The following CNGA3 variants were observed in gnomAD, a reference collection of about 807,000 sequenced individuals.
CNGA3 encodes the protein cyclic nucleotide gated channel subunit alpha 3, also known as cyclic nucleotide-gated channel alpha-3.
In CNGA3, 42 loss-of-function variants were observed where a neutral mutation model predicts 46.6. The ratio of observed to expected loss-of-function variants is 0.90; its 90% CI spans 0.70 to 1.17. The LOEUF (loss-of-function observed/expected upper bound fraction) is 1.17, where lower values mean the gene tolerates loss of function less well. Ranked by LOEUF, CNGA3 falls within the 50% of genes most tolerant of loss-of-function variation. The pLI is 0.00. For synonymous variants in CNGA3, 394 were observed against 369.4 expected, an observed-to-expected ratio of 1.07 and a Z score of -0.76; for missense variants, 893 against 890.7, an observed-to-expected ratio of 1.00 and a Z score of -0.03.
intron 1 of CNGA3, among the ~76,000 whole-genome samples, chr2:98,355,427 T>C (rs1271461093): frequency 6.6e-6 from 1 of 152,190 alleles, no homozygotes; most frequent in East Asian, 1.9e-4. Context: ...AGGTGTAATA[T>C]TTGCATATAG....
In CNGA3 at chr2:98,395,910, C is replaced by T. The variant is rs148616345; in HGVS notation, c.740C>T (p.Thr247Met). ...NRLWQHYKTT[T>M]QFKLDVLSLV... ...CTGTGGCAGCATTACAAGACGACCACGCAGTTCAAGCTGGATGTGTTGTCC... is the reference window on the plus strand; with the variant it reads ...CTGTGGCAGCATTACAAGACGACCATGCAGTTCAAGCTGGATGTGTTGTCC... The change falls in exon 8 of 8, where the codon ACG becomes ATG. Residue 247 changes from threonine (T) to methionine (M), a missense_variant. This residue lies in a region of CNGA3 where 12 missense variants were observed against 29.1 expected (regional missense o/e 0.41). Transcript: ENST00000272602. 1,907 of 1,614,188 alleles carry T rather than the reference C, an allele frequency of 1.2e-3. 5 individuals carry two copies. The highest frequency in any genetic ancestry group is 3.2e-3 in the East Asian group (142 of 44,890).
chr2:98,388,553 A>G (rs558394779), intron 5 of CNGA3, among the ~76,000 whole-genome samples: 10 of 152,358 alleles, frequency 6.6e-5, no homozygotes, highest in East Asian at 1.9e-4. Context: ...TCTTGCAGAA[A>G]GAATCCTCTC....
Position 98,380,213 on chromosome 2 carries a change from C to T in CNGA3, c.254C>T (p.Ala85Val), listed in dbSNP as rs1473647403. The stretch of plus-strand genomic sequence containing the variant: ...ATCTTCTTGCTGCGCAGGTGGGCTG[C>T]CAGGCATGTGCACCACCAGGACCAG... Reference protein sequence around the residue: ...RLIFLLRRWAARHVHHQDQGP... With the variant: ...RLIFLLRRWAVRHVHHQDQGP... Residue 85 changes from alanine to valine, a missense_variant, in exon 4 of 8, where the codon GCC (alanine) becomes GTC (valine). By Grantham distance (64) the Ala-to-Val change is moderately conservative. This residue lies in a region of CNGA3 where 333 missense variants were observed against 290.8 expected (regional missense o/e 1.15). Coordinates refer to ENST00000272602, the MANE Select transcript of CNGA3 (RefSeq NM_001298.3). 3 of 1,614,102 alleles carry T rather than the reference C, an allele frequency of 1.9e-6. No individual in the cohort carries two copies. Among genetic ancestry groups the T allele is most frequent in the African/African-American group, 2.7e-5 (2 of 74,930 alleles).
At chr2:98,385,044 C>T (rs181176336) in intron 5 of CNGA3, among the ~76,000 whole-genome samples, 36 of 152,334 alleles carry the variant, frequency 2.4e-4, no homozygotes, top group Middle Eastern at 3.4e-3. Flanking sequence ...AAACCAGCAG[C>T]ATTTTGCAGT....
At chr2:98,365,610 AT>A (rs56268918) in intron 1 of CNGA3, among the ~76,000 whole-genome samples, 29,157 of 149,876 alleles carry the variant, frequency 0.19, 3,199 homozygotes, top group Non-Finnish European at 0.26. Flanking sequence ...ATTCTTTTTC[AT>A]TTTTTTTTCC....
intron 2 of CNGA3, among the ~76,000 whole-genome samples, chr2:98,372,742 G>A (rs1692315402): frequency 6.6e-6 from 1 of 152,164 alleles, no homozygotes; most frequent in Non-Finnish European, 1.5e-5. Context: ...ATGTGGTTAA[G>A]TGCTCAATTG....
chr2:98,350,989 G>A (rs987327208), intron 1 of CNGA3: 1 of 152,226 alleles, frequency 6.6e-6, no homozygotes, highest in African/African-American at 2.4e-5. Context: ...CCATAGAGAG[G>A]AGGAATTGGA....
chr2:98,361,820 G>T (rs1325621317), intron 1 of CNGA3, among the ~76,000 whole-genome samples: 2 of 148,552 alleles, frequency 1.3e-5, no homozygotes, highest in Non-Finnish European at 3.0e-5. Flanking sequence ...CCATTCTCCT[G>T]CCTCAGCCTC....
chr2:98,396,595 C>G lies in CNGA3; in HGVS notation c.1425C>G (p.Asp475Glu). Reference sequence around the variant, plus strand: ...AGATCGCCATCAACGTGCACCTGGACACGCTGAAGAAGGTTCGCATCTTCC... The same window carrying G: ...AGATCGCCATCAACGTGCACCTGGAGACGCTGAAGAAGGTTCGCATCTTCC... ...KAEIAINVHLDTLKKVRIFQD... is the reference protein window; with the variant it reads ...KAEIAINVHLETLKKVRIFQD... Residue 475 changes from aspartate to glutamate, a missense_variant, in exon 8 of 8, where the codon GAC becomes GAG. Physicochemically the swap from Asp to Glu is conservative, Grantham distance 45. Transcript: ENST00000272602. 1 of 1,614,016 alleles carries G rather than the reference C, an allele frequency of 6.2e-7. No individual in the cohort carries two copies. Among genetic ancestry groups the G allele is most frequent in the Non-Finnish European group, 8.5e-7 (1 of 1,179,968 alleles).
At chr2:98,378,113 C>T (rs114534586) in intron 3 of CNGA3, 49 of 1,550,868 alleles carry the variant, frequency 3.2e-5, no homozygotes, top group African/African-American at 1.2e-4. Flanking sequence ...AGCAGCCAGC[C>T]GTGGGAGACC....
intron 1 of CNGA3, among the ~76,000 whole-genome samples, chr2:98,349,074 G>T (rs1039879769): frequency 2.0e-5 from 3 of 152,238 alleles, no homozygotes; most frequent in African/African-American, 7.2e-5. Flanking sequence ...GTGACGTATA[G>T]ACTTGGAATA....
intron 1 of CNGA3, among the ~76,000 whole-genome samples, chr2:98,358,120 T>G (rs1691930082): frequency 6.6e-6 from 1 of 152,244 alleles, no homozygotes; most frequent in Admixed American, 6.5e-5. Context: ...TTTCATTATC[T>G]CATTGGTGAG....
At chr2:98,347,573 A>G (rs1212192751) in intron 1 of CNGA3, among the ~76,000 whole-genome samples, 1 of 152,162 alleles carries the variant, frequency 6.6e-6, no homozygotes, top group Non-Finnish European at 1.5e-5. Context: ...GGGAGGATGA[A>G]TGGCGCTGGA....
intron 2 of CNGA3, among the ~76,000 whole-genome samples, chr2:98,371,112 A>G (rs959964099): frequency 3.9e-5 from 6 of 152,206 alleles, no homozygotes; most frequent in African/African-American, 1.4e-4. Flanking sequence ...GGTGTGAGCC[A>G]CTGCACCCAG....
At chr2:98,376,184 C>G (rs976999273) in intron 2 of CNGA3, among the ~76,000 whole-genome samples, 2 of 152,116 alleles carry the variant, frequency 1.3e-5, no homozygotes, top group Non-Finnish European at 2.9e-5. Context: ...TACAGGACTG[C>G]TTTGGGTTTT....
chr2:98,365,974 G>A (rs1230307785), intron 1 of CNGA3, among the ~76,000 whole-genome samples: 1 of 152,184 alleles, frequency 6.6e-6, no homozygotes, highest in Non-Finnish European at 1.5e-5. Context: ...GAGGAGAAGA[G>A]GCACTCTGGT....
chr2:98,359,899 G>A (rs1402687381), intron 1 of CNGA3, among the ~76,000 whole-genome samples: 1 of 152,244 alleles, frequency 6.6e-6, no homozygotes, highest in East Asian at 1.9e-4. Flanking sequence ...CAGAGAATCT[G>A]GGGGTTTGGG....
chr2:98,375,473 T>C (rs1367111451), intron 2 of CNGA3, among the ~76,000 whole-genome samples: 1 of 152,238 alleles, frequency 6.6e-6, no homozygotes, highest in African/African-American at 2.4e-5. Context: ...CACCTCCTCC[T>C]GCAACCAACC....
chr2:98,383,810 G>C (rs1008366541), intron 5 of CNGA3, among the ~76,000 whole-genome samples: 1 of 152,178 alleles, frequency 6.6e-6, no homozygotes, highest in East Asian at 1.9e-4. Flanking sequence ...ATGATGAAAA[G>C]GCATTTTCTT....
Sources: gnomAD v4.1 joint callset for allele counts (sites outside exome capture counted in the v4.1 genomes callset) on GRCh38, gnomAD v4.1.1 for gene constraint, gnomAD v4.1.1 regional missense constraint, MANE v1.5 for transcripts, NCBI Gene and HGNC (gene_info 2026-07-23, HGNC 2026-07-21) for gene names.